Variants in FERMT1 observed in about 807,000 individuals in gnomAD.
The protein encoded by FERMT1 is fermitin family homolog 1.
Under a neutral mutation model 85.3 loss-of-function variants are expected in FERMT1, and 60 were observed. That is an observed-to-expected ratio of 0.70 (90% confidence interval 0.57 to 0.87). The LOEUF (loss-of-function observed/expected upper bound fraction) is 0.87, where lower values mean the gene tolerates loss of function less well. FERMT1 is among the 40% of genes least tolerant of loss of function. The probability of loss-of-function intolerance (pLI) is 0.00; values close to 1 mark genes in which losing one functional copy is unlikely to be tolerated. For synonymous variants in FERMT1, 275 were observed against 301.1 expected, an observed-to-expected ratio of 0.91 and a Z score of 0.90; for missense variants, 701 against 818.9, an observed-to-expected ratio of 0.86 and a Z score of 1.76.
intron 4 of FERMT1, among the ~76,000 whole-genome samples, chr20:6,111,553 G>A (rs1267050476): frequency 2.0e-5 from 3 of 152,102 alleles, no homozygotes; most frequent in African/African-American, 4.8e-5. Context: ...AATCACTTGA[G>A]CCCGGGAGGC....
chr20:6,084,039 C>T lies in FERMT1; in HGVS notation c.1718+1G>A. On this transcript the variant is annotated splice_donor_variant, in intron 13 of 14. Transcript: ENST00000217289. LOFTEE classifies it high-confidence loss of function. ...GAGAAACAAGTGAACATTGTAATCA[C>T]CTGACAAGGTAGTAGGTGAGGCCAA... 3 of 1,614,186 alleles carry T rather than the reference C, an allele frequency of 1.9e-6. No homozygotes were observed. Among genetic ancestry groups the T allele is most frequent in the Non-Finnish European group, 2.5e-6 (3 of 1,180,038 alleles).
intron 5 of FERMT1, among the ~76,000 whole-genome samples, chr20:6,108,808 T>G (rs1982865629): frequency 7.4e-6 from 1 of 134,624 alleles, no homozygotes; most frequent in South Asian, 2.3e-4. Context: ...AGACTCTGTC[T>G]CAAAAAAAAA....
At chr20:6,103,189 G>A (rs1047572784) in intron 6 of FERMT1, among the ~76,000 whole-genome samples, 2 of 152,156 alleles carry the variant, frequency 1.3e-5, no homozygotes, top group Non-Finnish European at 2.9e-5. Context: ...CCCTGGAAAT[G>A]GTAGTTTCTC....
rs1414064899 is a variant in FERMT1, at chr20:6,119,417, T to C, written c.138A>G (p.Leu46=). 7.4e-6 allele frequency: 12 copies of C among 1,614,030 alleles called. No individual in the cohort carries two copies. Among genetic ancestry groups the C allele is most frequent in the Non-Finnish European group, 9.3e-6 (11 of 1,179,974 alleles). The stretch of plus-strand genomic sequence containing the variant: ...AGAGTAACTTACTGATCTGTTCTAC[T>C]AACTTGAGCATCACTCCTCCAACAT... ...DLHVGGVMLK[L]VEQINISQDW... is the part of the protein sequence containing the mutation. Residue 46 remains leucine (L), a synonymous_variant, in exon 2 of 15, where the codon TTA becomes TTG. Transcript: ENST00000217289.
chr20:6,098,739 T>C (rs1447415321), intron 6 of FERMT1, among the ~76,000 whole-genome samples: 1 of 152,116 alleles, frequency 6.6e-6, no homozygotes, highest in African/African-American at 2.4e-5. Flanking sequence ...GATTAAATAA[T>C]TTAAACATAT....
chr20:6,076,783 C>T lies in FERMT1; in HGVS notation c.*390G>A, dbSNP rs1356826390. ...TGAAATAAGAGTTGTTCTTGCTACA[C>T]GTGATTTTTACCTTTCTGTCTTCTC... On this transcript the variant is annotated 3_prime_UTR_variant, in exon 15 of 15. Transcript: ENST00000217289. 1.5e-5 allele frequency: 5 copies of T among 340,336 alleles called. No individual in the cohort carries two copies. The highest frequency in any genetic ancestry group is 2.6e-5 in the South Asian group (1 of 38,292). 21.1% of individuals were successfully genotyped at this position (340,336 alleles called of 1,614,324 possible). A position where few individuals can be genotyped will look rare whatever the true frequency, so the allele number is the denominator to read the frequency against.
chr20:6,099,530 A>G (rs111650344), intron 6 of FERMT1, among the ~76,000 whole-genome samples: 45 of 152,322 alleles, frequency 3.0e-4, no homozygotes, highest in African/African-American at 1.0e-3. Flanking sequence ...ACTTATATAA[A>G]CTATCTAGAA....
chr20:6,122,079 G>A (rs1983292074), intron 1 of FERMT1, among the ~76,000 whole-genome samples: 2 of 152,086 alleles, frequency 1.3e-5, no homozygotes, highest in African/African-American at 4.8e-5. Context: ...TATTTCACTG[G>A]GCAATCTGAT....
chr20:6,082,738 C>G (rs1279175751), intron 13 of FERMT1, among the ~76,000 whole-genome samples: 1 of 152,214 alleles, frequency 6.6e-6, no homozygotes, highest in Non-Finnish European at 1.5e-5. Flanking sequence ...TCACTGCAAC[C>G]TCCACCTCCC....
intron 2 of FERMT1, among the ~76,000 whole-genome samples, chr20:6,118,490 A>G (rs534182842): frequency 6.6e-6 from 1 of 152,266 alleles, no homozygotes; most frequent in African/African-American, 2.4e-5. Flanking sequence ...ACTGTTTATG[A>G]TAAGTGAAGC....
intron 13 of FERMT1, among the ~76,000 whole-genome samples, chr20:6,080,218 G>A (rs993066018): frequency 6.6e-6 from 1 of 152,136 alleles, no homozygotes; most frequent in African/African-American, 2.4e-5. Flanking sequence ...AGTGAAGGAG[G>A]GGAGAGAAAT....
At position 6,104,527 on chromosome 20, in the gene FERMT1, A is replaced by G. The variant is rs116866106; in HGVS notation, c.849+3005T>C. ...GGAAGGGAATACTGCCATAAGTACT[A>G]AAGTGGTTGAGGATCACAGTGTCCT... is the stretch of plus-strand genomic sequence containing the variant. On this transcript the variant is annotated intron_variant, in intron 6 of 14. Transcript: ENST00000217289. The surrounding 1 kb of genome is among the most constrained non-coding windows in gnomAD (Gnocchi z 4.2). Among the ~76,000 whole-genome samples, 409 of 152,328 alleles carry G rather than the reference A, an allele frequency of 2.7e-3. 17 individuals carry two copies. In the East Asian group the frequency reaches 0.066, roughly 25 times the overall value.
At chr20:6,100,872 TAA>T (rs945939260) in intron 6 of FERMT1, among the ~76,000 whole-genome samples, 1 of 152,086 alleles carries the variant, frequency 6.6e-6, no homozygotes, top group African/African-American at 2.4e-5. Flanking sequence ...TTTGAATAAT[TAA>T]AAAAGTTTGT....
intron 13 of FERMT1, 94 bp downstream of exon 13, chr20:6,083,946 T>C: frequency 7.0e-7 from 1 of 1,428,282 alleles, no homozygotes; most frequent in African/African-American, 1.4e-5. Flanking sequence ...TAAAAAGCAT[T>C]CTATATTCTA....
intron 6 of FERMT1, among the ~76,000 whole-genome samples, chr20:6,101,778 G>C (rs1051679326): frequency 6.6e-6 from 1 of 151,758 alleles, no homozygotes; most frequent in Non-Finnish European, 1.5e-5. Flanking sequence ...TCAGCTTCCC[G>C]AGTAGCTGGG....
At chr20:6,117,907 C>T (rs577533327) in intron 2 of FERMT1, among the ~76,000 whole-genome samples, 30 of 152,302 alleles carry the variant, frequency 2.0e-4, no homozygotes, top group African/African-American at 7.2e-4. Flanking sequence ...GGTGATCCAC[C>T]CACCTCAGCC....
chr20:6,082,507 C>T (rs371743121), intron 13 of FERMT1, among the ~76,000 whole-genome samples: 7 of 152,196 alleles, frequency 4.6e-5, no homozygotes, highest in South Asian at 2.1e-4. Context: ...GACACATATG[C>T]GCGCACATAG....
At chr20:6,089,190 A>G in intron 9 of FERMT1, 101 bp from the exon 10 acceptor site, 1 of 1,214,950 alleles carries the variant, frequency 8.2e-7, no homozygotes, top group South Asian at 1.2e-5. Context: ...GTCAAAGAAA[A>G]CACACTTTGT....
chr20:6,103,767 G>GTTTT (rs66482243), intron 6 of FERMT1, among the ~76,000 whole-genome samples: 1 of 102,070 alleles, frequency 9.8e-6, no homozygotes, highest in Non-Finnish European at 2.0e-5. Flanking sequence ...CTTTGTTATA[G>GTTTT]TTTTTTTTTT....
Sources: allele counts gnomAD v4.1 joint callset (sites outside exome capture counted in the v4.1 genomes callset), GRCh38; gene constraint gnomAD v4.1.1; non-coding constraint Gnocchi (gnomAD v3.1); transcripts MANE v1.5; gene names NCBI Gene and HGNC (gene_info 2026-07-23, HGNC 2026-07-21).